FRY: variants seen among roughly 807,000 people sequenced by gnomAD.
The protein encoded by FRY is FRY microtubule binding protein.
FRY carries 128 observed loss-of-function variants against 348.4 expected under a neutral mutation model. That is an observed-to-expected ratio of 0.37 (90% CI 0.32 to 0.43). The LOEUF (loss-of-function observed/expected upper bound fraction) is 0.43. FRY is among the 20% of genes least tolerant of loss of function. The pLI is 1.00. For synonymous variants in FRY, 1,370 were observed against 1,374.7 expected (o/e 1.00, Z 0.08); for missense variants, 2,736 against 3,695.2 (o/e 0.74, Z 6.73).
chr13:32,156,595 C>A (rs1881129809), intron 15 of FRY, among the ~76,000 whole-genome samples: 1 of 89,880 alleles, frequency 1.1e-5, no homozygotes, highest in East Asian at 4.5e-4. Context: ...CAGTGAAGCT[C>A]CATCTCAAAA....
chr13:32,258,305 G>A (rs58462217), intron 51 of FRY, among the ~76,000 whole-genome samples: 2,028 of 152,254 alleles, frequency 0.013, 43 homozygotes, highest in African/African-American at 0.045. Flanking sequence ...GGGTTTTATT[G>A]TTAAATTCTT....
intron 26 of FRY, among the ~76,000 whole-genome samples, 174 bp from the exon 27 acceptor site, chr13:32,186,086 T>G (rs189488957): frequency 2.0e-5 from 3 of 152,268 alleles, no homozygotes; most frequent in East Asian, 1.9e-4. Context: ...ACAGGAAGAG[T>G]GCACACTTAG....
intron 2 of FRY, among the ~76,000 whole-genome samples, chr13:32,086,607 T>C (rs536700214): frequency 6.6e-6 from 1 of 152,224 alleles, no homozygotes; most frequent in East Asian, 1.9e-4. Flanking sequence ...ATCTAGTCTA[T>C]CAGCATAAAA....
At chr13:32,077,476 T>A (rs1875159598) in intron 1 of FRY, among the ~76,000 whole-genome samples, 1 of 152,138 alleles carries the variant, frequency 6.6e-6, no homozygotes, top group Non-Finnish European at 1.5e-5. Flanking sequence ...GTCTTACAGT[T>A]TAGTGGTAGC....
chr13:32,207,305 C>A (rs1355468870), intron 31 of FRY, among the ~76,000 whole-genome samples: 2 of 152,160 alleles, frequency 1.3e-5, no homozygotes, highest in Non-Finnish European at 2.9e-5. Flanking sequence ...AGTTCTCCCA[C>A]CATAAAACTA....
chr13:32,224,324 T>A lies in FRY; in HGVS notation c.4855T>A (p.Cys1619Ser), dbSNP rs1274925723. 6.2e-6 allele frequency: 10 copies of A among 1,613,960 alleles called. No individual in the cohort carries two copies. Residue 1619 changes from cysteine (C) to serine (S), a missense_variant, in exon 37 of 61, where the codon TGC becomes AGC. By Grantham distance (112) the Cys-to-Ser change is moderately radical. Transcript: ENST00000542859. ...QPLPMPCTGG[C>S]WAPLVDYLPE... ...CTTACCGATGCCTTGTACTGGAGGATGCTGGGCCCCCCTGGTTGACTATCT... is the reference window on the plus strand; with the variant it reads ...CTTACCGATGCCTTGTACTGGAGGAAGCTGGGCCCCCCTGGTTGACTATCT...
chr13:32,191,206 A>G (rs1436764245), intron 28 of FRY, among the ~76,000 whole-genome samples: 4 of 152,200 alleles, frequency 2.6e-5, no homozygotes, highest in Non-Finnish European at 5.9e-5. Flanking sequence ...AGCTAAAATA[A>G]TAGTCTCTAG....
chr13:32,039,019 G>A (rs966225244), intron 1 of FRY, among the ~76,000 whole-genome samples: 1 of 152,120 alleles, frequency 6.6e-6, no homozygotes, highest in African/African-American at 2.4e-5. Flanking sequence ...GGACTTCAGG[G>A]ATCCTAGGGA....
intron 36 of FRY, among the ~76,000 whole-genome samples, chr13:32,221,312 T>A (rs9533903): frequency 0.24 from 36,747 of 152,090 alleles, 4,991 homozygotes; most frequent in African/African-American, 0.36. Context: ...ATTATGTTAT[T>A]ATAAAATTGC....
intron 2 of FRY, among the ~76,000 whole-genome samples, chr13:32,095,720 A>T (rs922033880): frequency 1.3e-5 from 2 of 152,060 alleles, no homozygotes; most frequent in Admixed American, 6.6e-5. Context: ...GTGGGGTACT[A>T]CTCAAGAAAA....
intron 28 of FRY, among the ~76,000 whole-genome samples, chr13:32,189,444 A>G (rs1469187916): frequency 6.6e-6 from 1 of 152,140 alleles, no homozygotes; most frequent in Non-Finnish European, 1.5e-5. Flanking sequence ...CTAAACATCC[A>G]TCACAAGAAG....
At chr13:32,032,932 G>T (rs972478434) in intron 1 of FRY, among the ~76,000 whole-genome samples, 4 of 152,178 alleles carry the variant, frequency 2.6e-5, no homozygotes, top group African/African-American at 9.7e-5. Context: ...GGCCAAGATT[G>T]TTCTTATATA....
rs773507637 is a variant in FRY, at chr13:32,202,423, A to G, written c.3914A>G (p.Tyr1305Cys). The change falls in exon 31 of 61, where the codon TAT (tyrosine) becomes TGT (cysteine). Residue 1305 changes from tyrosine (Y) to cysteine (C), a missense_variant. Tyr to Cys is a radical substitution (Grantham distance 194). Transcript: ENST00000542859. ...GAGCAAAGACCGGGAAGTATTCTCTATGGAACACACGGCCCGCTGCCACCC... is the reference window on the plus strand; with the variant it reads ...GAGCAAAGACCGGGAAGTATTCTCTGTGGAACACACGGCCCGCTGCCACCC... ...VAEQRPGSIL[Y>C]GTHGPLPPLY... 7 of 1,613,914 alleles carry G rather than the reference A, an allele frequency of 4.3e-6. No individual in the cohort carries two copies. In the Admixed American group the frequency reaches 5.0e-5, roughly 12 times the overall value.
chr13:32,102,445 C>T (rs1036956929), intron 3 of FRY, among the ~76,000 whole-genome samples: 7 of 152,248 alleles, frequency 4.6e-5, no homozygotes, highest in East Asian at 1.9e-4. Flanking sequence ...ATTTGCTTGA[C>T]GCTGTGCTAG....
chr13:32,197,933 TGTC>T (rs557071652), intron 29 of FRY, among the ~76,000 whole-genome samples: 317 of 152,374 alleles, frequency 2.1e-3, no homozygotes, highest in African/African-American at 7.4e-3. Context: ...TGATCACAGC[TGTC>T]TTTATCTTTT....
At chr13:32,189,560 C>G (rs1883212110) in intron 28 of FRY, among the ~76,000 whole-genome samples, 1 of 151,738 alleles carries the variant, frequency 6.6e-6, no homozygotes, top group Non-Finnish European at 1.5e-5. Flanking sequence ...GTAGTGATCA[C>G]TAAACCAAAA....
chr13:32,178,482 G>A, intron 21 of FRY, 46 bp downstream of exon 21: 1 of 1,603,602 alleles, frequency 6.2e-7, no homozygotes. Context: ...TTTTCCATTT[G>A]CCCTCTTAAA....
chr13:32,037,527 C>T (rs1361807451), intron 1 of FRY, among the ~76,000 whole-genome samples: 3 of 152,112 alleles, frequency 2.0e-5, no homozygotes. Flanking sequence ...ACTGGCAGCA[C>T]CAAGATAAAT....
At chr13:32,139,511 C>T (rs940270283) in intron 11 of FRY, among the ~76,000 whole-genome samples, 4 of 152,210 alleles carry the variant, frequency 2.6e-5, no homozygotes, top group African/African-American at 7.2e-5. Context: ...AGCGTGAAAA[C>T]CTGCCCACTT....
Sources: allele counts gnomAD v4.1 joint callset (sites outside exome capture counted in the v4.1 genomes callset), GRCh38; gene constraint gnomAD v4.1.1; transcripts MANE v1.5; gene names NCBI Gene and HGNC (gene_info 2026-07-23, HGNC 2026-07-21).